Variants in LAMB3 observed in about 807,000 individuals in gnomAD.
LAMB3 encodes the protein laminin subunit beta-3.
In LAMB3, 104 loss-of-function variants were observed where a neutral mutation model predicts 140.3. The ratio of observed to expected loss-of-function variants is 0.74; its 90% CI spans 0.63 to 0.87. The LOEUF (loss-of-function observed/expected upper bound fraction) is 0.87. Ranked by LOEUF, LAMB3 falls within the 40% of genes least tolerant of loss-of-function variation. The probability of loss-of-function intolerance (pLI) is 0.00; values close to 1 mark genes in which losing one functional copy is unlikely to be tolerated. For synonymous variants in LAMB3, 592 were observed against 602.9 expected, an observed-to-expected ratio of 0.98 and a Z score of 0.26; for missense variants, 1,531 against 1,575.2, an observed-to-expected ratio of 0.97 and a Z score of 0.47.
intron 3 of LAMB3, among the ~76,000 whole-genome samples, chr1:209,647,679 G>C (rs1041225747): frequency 6.6e-6 from 1 of 152,078 alleles, no homozygotes; most frequent in Non-Finnish European, 1.5e-5. Flanking sequence ...CATTGCATTC[G>C]GCCAGCCTCA....
chr1:209,639,422 C>T (rs1197070109), intron 3 of LAMB3, among the ~76,000 whole-genome samples: 1 of 152,134 alleles, frequency 6.6e-6, no homozygotes, highest in Non-Finnish European at 1.5e-5. Context: ...TCGGTATTCC[C>T]TACCTACAGG....
intron 9 of LAMB3, 62 bp from the exon 10 acceptor site, chr1:209,629,987 C>G: frequency 6.6e-7 from 1 of 1,525,346 alleles, no homozygotes; most frequent in Non-Finnish European, 9.1e-7. Context: ...ACAGAGCATG[C>G]TCCACAAAAG....
intron 19 of LAMB3, 147 bp downstream of exon 19, chr1:209,618,305 A>T: frequency 2.2e-6 from 2 of 914,198 alleles, no homozygotes; most frequent in Non-Finnish European, 3.4e-6. Context: ...TTTAACCTGC[A>T]CTCTGGACTC....
intron 9 of LAMB3, 127 bp downstream of exon 9, chr1:209,630,488 T>C: frequency 9.3e-7 from 1 of 1,071,374 alleles, no homozygotes; most frequent in Non-Finnish European, 1.4e-6. Context: ...ATTGTAATGG[T>C]GCAATTCAGT....
chr1:209,616,066 ATCT>A (rs749275321), intron 22 of LAMB3, among the ~76,000 whole-genome samples: 21 of 151,906 alleles, frequency 1.4e-4, no homozygotes, highest in Non-Finnish European at 2.8e-4. Context: ...CCCATCTCAA[ATCT>A]TCTTTTCTTA....
chr1:209,643,001 T>C (rs1437400057), intron 3 of LAMB3, among the ~76,000 whole-genome samples: 2 of 152,236 alleles, frequency 1.3e-5, no homozygotes, highest in Non-Finnish European at 2.9e-5. Context: ...ACAAACTGCA[T>C]GCTGCTTATC....
Position 209,623,368 on chromosome 1 carries a change from T to C in LAMB3, c.2358+137A>G. The C allele has an allele frequency of 1.9e-6, 2 of 1,042,710 alleles. No individual in the cohort carries two copies. The highest frequency in any genetic ancestry group is 1.6e-5 in the African/African-American group (1 of 63,648). 64.6% of individuals were successfully genotyped at this position (1,042,710 alleles called of 1,614,324 possible). The stretch of plus-strand genomic sequence containing the variant: ...CAACCACTGAGCTCACAGTGAGCAG[T>C]ACAAGGGTCGGGATGGCTGGGGGAG... On this transcript the variant is annotated intron_variant, in intron 16 of 22. Coordinates refer to ENST00000356082, the MANE Select transcript of LAMB3 (RefSeq NM_000228.3). The surrounding 1 kb of genome is among the most constrained non-coding windows in gnomAD (Gnocchi z 4.2).
chr1:209,642,467 T>TTTTG (rs560984228), intron 3 of LAMB3, among the ~76,000 whole-genome samples: 593 of 131,790 alleles, frequency 4.5e-3, no homozygotes, highest in South Asian at 0.016. Context: ...GTTTAAGCTT[T>TTTTG]TTTGTTTGTT....
chr1:209,616,037 G>A (rs1320921645), intron 22 of LAMB3, among the ~76,000 whole-genome samples: 1 of 151,740 alleles, frequency 6.6e-6, no homozygotes, highest in Non-Finnish European at 1.5e-5. Flanking sequence ...CTTCTCCCAG[G>A]CCTACACATC....
At chr1:209,640,819 C>T (rs1180245298) in intron 3 of LAMB3, among the ~76,000 whole-genome samples, 6 of 152,126 alleles carry the variant, frequency 3.9e-5, no homozygotes, top group Non-Finnish European at 7.3e-5. Flanking sequence ...CGGTGGCTCA[C>T]GCCTATAATC....
Position 209,638,567 on chromosome 1 carries a change from A to C in LAMB3, c.265T>G (p.Ser89Ala). Reference sequence around the variant, plus strand: ...GACTGCCACCAGCGCATGGGGCCGGAGGATGAAGCCACATTCTCTACTCGG... The same window carrying C: ...GACTGCCACCAGCGCATGGGGCCGGCGGATGAAGCCACATTCTCTACTCGG... ...SHRVENVASS[S>A]GPMRWWQSQN... is the part of the protein sequence containing the mutation. The change falls in exon 4 of 23, where the codon TCC becomes GCC. Residue 89 changes from serine to alanine, a missense_variant. By Grantham distance (99) the Ser-to-Ala change is moderately conservative. Coordinates refer to ENST00000356082, the MANE Select transcript of LAMB3 (RefSeq NM_000228.3). 6.2e-7 allele frequency: 1 copy of C among 1,613,632 alleles called. No homozygotes were observed. The highest frequency in any genetic ancestry group is 8.5e-7 in the Non-Finnish European group (1 of 1,179,510).
chr1:209,616,566 G>A lies in LAMB3; in HGVS notation c.3287C>T (p.Ser1096Phe), dbSNP rs1665974571. Residue 1096 changes from serine (S) to phenylalanine (F), a missense_variant, in exon 22 of 23, where the codon TCC (serine) becomes TTC (phenylalanine). Transcript: ENST00000356082. The part of the protein sequence containing the change: ...AELKDRLGQS[S>F]MLGEQGARIQ... ...CCGGGCACCCTGCTCACCCAGCATG[G>A]AACTCTGACCCAACCGGTCCTTCAA... 6.2e-7 allele frequency: 1 copy of A among 1,614,022 alleles called. No homozygotes were observed. The highest frequency in any genetic ancestry group is 1.3e-5 in the African/African-American group (1 of 74,916).
chr1:209,617,942 G>C lies in LAMB3; in HGVS notation c.3016C>G (p.Arg1006Gly). Residue 1006 changes from arginine to glycine, a missense_variant, in exon 20 of 23, where the codon CGC becomes GGC. Arg to Gly is a moderately radical substitution (Grantham distance 125). Coordinates refer to ENST00000356082, the MANE Select transcript of LAMB3 (RefSeq NM_000228.3). Reference protein sequence around the residue: ...EAQDTMQGTSRSLRLIQDRVA... With the variant: ...EAQDTMQGTSGSLRLIQDRVA... ...CTGTCCTGGATAAGCCGAAGGGAGC[G>C]GCTGGTGCCTTGCATGGTGTCCTGA... The C allele has an allele frequency of 6.2e-7, 1 of 1,614,190 alleles. No individual in the cohort carries two copies. Among genetic ancestry groups the C allele is most frequent in the Non-Finnish European group, 8.5e-7 (1 of 1,180,044 alleles).
Position 209,632,657 on chromosome 1 carries a change from AGC to A in LAMB3, c.746_747del (p.Ser249MetfsTer8). The A allele has an allele frequency of 6.2e-7, 1 of 1,614,144 alleles. No homozygotes were observed. Among genetic ancestry groups the A allele is most frequent in the African/African-American group, 1.3e-5 (1 of 75,046 alleles). On this transcript the variant is annotated frameshift_variant, in exon 8 of 23. Coordinates refer to ENST00000356082, the MANE Select transcript of LAMB3 (RefSeq NM_000228.3). LOFTEE classifies it high-confidence loss of function. The stretch of plus-strand genomic sequence containing the variant: ...CGATCAGCATGGCCGTGACAGAAGC[AGC>A]TCCCCTGCAGACGGAGCTGGGACAC... ...YAVSQLRLQG[S>X]CFCHGHADRC...
In LAMB3 at chr1:209,615,101, G is replaced by C; in HGVS notation, c.*170C>G. On this transcript the variant is annotated 3_prime_UTR_variant, in exon 23 of 23. Coordinates refer to ENST00000356082, the MANE Select transcript of LAMB3 (RefSeq NM_000228.3). ...AAGTGTAACTGTCCCATTGGCTCAG[G>C]CTCAGCTGCAGCTCAGGGTAATCTT... 1.4e-6 allele frequency: 1 copy of C among 720,346 alleles called. No individual in the cohort carries two copies. Among genetic ancestry groups the C allele is most frequent in the Non-Finnish European group, 2.3e-6 (1 of 433,536 alleles). 44.6% of individuals were successfully genotyped at this position (720,346 alleles called of 1,614,324 possible).
At chr1:209,650,220 C>T in intron 2 of LAMB3, 102 bp from the exon 3 acceptor site, 3 of 1,164,880 alleles carry the variant, frequency 2.6e-6, no homozygotes, top group Non-Finnish European at 3.7e-6. Context: ...AGATTATATC[C>T]TTTCCCTCAC....
Position 209,623,568 on chromosome 1 carries a change from G to A in LAMB3, c.2295C>T (p.Pro765=). Residue 765 remains proline, a synonymous_variant, in exon 16 of 23, where the codon CCC becomes CCT. Coordinates refer to ENST00000356082, the MANE Select transcript of LAMB3 (RefSeq NM_000228.3). The surrounding 1 kb of genome is among the most constrained non-coding windows in gnomAD (Gnocchi z 4.2). ...QAGGGGGTGS[P]KLVALRLEMS... ...TCTCCAGCCTCAGGGCCACAAGCTT[G>A]GGGCTGCCGGTGCCTCCTCCTCCTC... 6.2e-7 allele frequency: 1 copy of A among 1,614,214 alleles called. No individual in the cohort carries two copies. The highest frequency in any genetic ancestry group is 8.5e-7 in the Non-Finnish European group (1 of 1,180,036).
Position 209,634,577 on chromosome 1 carries a change from A to G in LAMB3, c.434T>C (p.Val145Ala). ...GCAGTCGGCAGCCAGGTACTGGTAC[A>G]CTCGCCAGGTCTTACCGAAGTCTGA... is the stretch of plus-strand genomic sequence containing the variant. ...RSSDFGKTWR[V>A]YQYLAADCTS... The change falls in exon 6 of 23, where the codon GTG becomes GCG. Residue 145 changes from valine (V) to alanine (A), a missense_variant. Val to Ala is a moderately conservative substitution (Grantham distance 64). Coordinates refer to ENST00000356082, the MANE Select transcript of LAMB3 (RefSeq NM_000228.3). 1 of 1,614,018 alleles carries G rather than the reference A, an allele frequency of 6.2e-7. No individual in the cohort carries two copies. Among genetic ancestry groups the G allele is most frequent in the Non-Finnish European group, 8.5e-7 (1 of 1,180,004 alleles).
chr1:209,651,186 AG>A, intron 1 of LAMB3: 1 of 562,878 alleles, frequency 1.8e-6, no homozygotes, highest in Non-Finnish European at 3.2e-6. Context: ...TGTGACTCAC[AG>A]GGTGCCCTGG....
Sources: allele counts gnomAD v4.1 joint callset (sites outside exome capture counted in the v4.1 genomes callset), GRCh38; gene constraint gnomAD v4.1.1; non-coding constraint Gnocchi (gnomAD v3.1); transcripts MANE v1.5; gene names NCBI Gene and HGNC (gene_info 2026-07-23, HGNC 2026-07-21).